The following BABAM2 variants were observed in gnomAD, a reference collection of about 807,000 sequenced individuals.
BABAM2 encodes the protein BRISC and BRCA1 A complex member 2.
BABAM2 carries 31 observed loss-of-function variants against 54.7 expected under a neutral mutation model. The ratio of observed to expected loss-of-function variants is 0.57; its 90% CI spans 0.43 to 0.77. The LOEUF (loss-of-function observed/expected upper bound fraction) is 0.77. Ranked by LOEUF, BABAM2 falls within the 30% of genes least tolerant of loss-of-function variation. The probability of loss-of-function intolerance (pLI) is 0.00; values close to 1 mark genes in which losing one functional copy is unlikely to be tolerated. For synonymous variants in BABAM2, 167 were observed against 162.9 expected (o/e 1.03, Z -0.19); for missense variants, 364 against 455.8 (o/e 0.80, Z 1.83).
intron 6 of BABAM2, among the ~76,000 whole-genome samples, chr2:28,110,656 T>C (rs537937209): frequency 2.6e-5 from 4 of 151,798 alleles, no homozygotes; most frequent in Admixed American, 1.3e-4. Context: ...TAAAATAAAA[T>C]AAAAAAACAC....
intron 3 of BABAM2, among the ~76,000 whole-genome samples, chr2:27,979,092 A>G (rs940377544): frequency 2.6e-5 from 4 of 151,264 alleles, no homozygotes; most frequent in South Asian, 2.1e-4. Context: ...CAGCGGCACA[A>G]TCTCGGCTCA....
At chr2:28,160,130 C>T (rs1672924994) in intron 7 of BABAM2, among the ~76,000 whole-genome samples, 1 of 152,092 alleles carries the variant, frequency 6.6e-6, no homozygotes, top group African/African-American at 2.4e-5. Context: ...TACAGGTATG[C>T]ACCACCATGC....
chr2:27,955,065 C>A (rs1669991354), intron 3 of BABAM2, among the ~76,000 whole-genome samples: 1 of 152,114 alleles, frequency 6.6e-6, no homozygotes, highest in Non-Finnish European at 1.5e-5. Flanking sequence ...AAGCTTTGTA[C>A]AAGATTTTTC....
At chr2:28,019,213 G>A (rs1408970303) in intron 4 of BABAM2, among the ~76,000 whole-genome samples, 2 of 152,240 alleles carry the variant, frequency 1.3e-5, no homozygotes, top group Non-Finnish European at 1.5e-5. Flanking sequence ...GTATTCCATG[G>A]TATATATATG....
chr2:28,158,381 A>G (rs187740283), intron 7 of BABAM2, among the ~76,000 whole-genome samples: 1 of 152,394 alleles, frequency 6.6e-6, no homozygotes, highest in Non-Finnish European at 1.5e-5. Context: ...TGACCACTTG[A>G]ATAACTACAT....
intron 6 of BABAM2, among the ~76,000 whole-genome samples, chr2:28,080,868 G>C (rs1427313961): frequency 6.6e-6 from 1 of 152,082 alleles, no homozygotes; most frequent in African/African-American, 2.4e-5. Flanking sequence ...AGCATGTAAG[G>C]CATCTTTTTT....
intron 6 of BABAM2, among the ~76,000 whole-genome samples, chr2:28,074,100 A>C (rs1352015722): frequency 6.6e-6 from 1 of 152,040 alleles, no homozygotes; most frequent in Non-Finnish European, 1.5e-5. Flanking sequence ...ATTTCCTATA[A>C]TTTTTATGAC....
intron 5 of BABAM2, among the ~76,000 whole-genome samples, chr2:28,039,140 C>T (rs1005646184): frequency 2.0e-5 from 3 of 152,134 alleles, no homozygotes; most frequent in African/African-American, 4.8e-5. Context: ...AGATGCCTAG[C>T]GGAGTGCCTG....
rs2148311210 is a variant in BABAM2, at chr2:28,322,004, A to G, written c.1089-16446A>G. 6.6e-6 allele frequency among the ~76,000 whole-genome samples: 1 copy of G among 152,222 alleles called. No homozygotes were observed. The highest frequency in any genetic ancestry group is 3.4e-3 in the Middle Eastern group (1 of 292). On this transcript the variant is annotated intron_variant, in intron 11 of 11. Coordinates refer to ENST00000379624, the MANE Select transcript of BABAM2 (RefSeq NM_199191.3). The surrounding 1 kb of genome is among the most constrained non-coding windows in gnomAD (Gnocchi z 4.1). ...TGGTCTCCAAAAACAAGTCCCTGCA[A>G]TTGACAGTGGTTGCATGAACTTAAG...
At chr2:28,166,647 G>A (rs888255045) in intron 7 of BABAM2, among the ~76,000 whole-genome samples, 6 of 152,138 alleles carry the variant, frequency 3.9e-5, no homozygotes, top group African/African-American at 1.2e-4. Flanking sequence ...TTGCACTGGC[G>A]TGACTGTGTT....
At chr2:28,006,185 A>G (rs1213532946) in intron 4 of BABAM2, among the ~76,000 whole-genome samples, 1 of 152,084 alleles carries the variant, frequency 6.6e-6, no homozygotes, top group African/African-American at 2.4e-5. Flanking sequence ...TGCTGATTGT[A>G]TCTCTGTGGT....
At chr2:28,214,707 T>C (rs988811603) in intron 7 of BABAM2, among the ~76,000 whole-genome samples, 2 of 152,188 alleles carry the variant, frequency 1.3e-5, no homozygotes, top group South Asian at 4.1e-4. Context: ...TTAAGTATTA[T>C]GTTTGCTGTA....
intron 10 of BABAM2, among the ~76,000 whole-genome samples, chr2:28,251,013 T>C (rs1164331140): frequency 1.3e-5 from 2 of 152,216 alleles, no homozygotes; most frequent in Non-Finnish European, 2.9e-5. Flanking sequence ...TTCAGAGCTG[T>C]AGGATTGGGG....
intron 3 of BABAM2, among the ~76,000 whole-genome samples, chr2:27,982,701 A>G (rs1489238236): frequency 1.3e-5 from 2 of 151,344 alleles, no homozygotes; most frequent in East Asian, 1.9e-4. Flanking sequence ...GAAACACACT[A>G]CTTCAGGTGT....
chr2:28,034,611 A>T (rs928024651), intron 5 of BABAM2, among the ~76,000 whole-genome samples: 3 of 152,156 alleles, frequency 2.0e-5, no homozygotes, highest in Admixed American at 2.0e-4. Flanking sequence ...GGTAAAAGTG[A>T]AAATCAGAAA....
chr2:28,136,256 A>C (rs981152137), intron 7 of BABAM2, among the ~76,000 whole-genome samples: 1 of 152,172 alleles, frequency 6.6e-6, no homozygotes, highest in African/African-American at 2.4e-5. Context: ...CACCTCCTCC[A>C]TGGAACATTT....
chr2:28,221,261 T>C (rs1371730837), intron 7 of BABAM2, among the ~76,000 whole-genome samples: 3 of 152,220 alleles, frequency 2.0e-5, no homozygotes, highest in Non-Finnish European at 4.4e-5. Context: ...ACATCCTTCT[T>C]CTTCCCTGTG....
At chr2:28,019,063 ATTG>A (rs1203535779) in intron 4 of BABAM2, among the ~76,000 whole-genome samples, 1 of 151,420 alleles carries the variant, frequency 6.6e-6, no homozygotes, top group African/African-American at 2.4e-5. Context: ...ATATGTTCTC[ATTG>A]TTCAACTCCC....
intron 6 of BABAM2, among the ~76,000 whole-genome samples, chr2:28,065,855 C>G (rs2148649746): frequency 6.6e-6 from 1 of 151,746 alleles, no homozygotes; most frequent in East Asian, 1.9e-4. Flanking sequence ...ATTTATTGAA[C>G]TGTGGCTGGG....
Sources: allele counts gnomAD v4.1 joint callset (sites outside exome capture counted in the v4.1 genomes callset), GRCh38; gene constraint gnomAD v4.1.1; non-coding constraint Gnocchi (gnomAD v3.1); transcripts MANE v1.5; gene names NCBI Gene and HGNC (gene_info 2026-07-23, HGNC 2026-07-21).